Variants in ADSL observed in about 807,000 individuals in gnomAD.
The protein encoded by ADSL is adenylosuccinase.
Under a neutral mutation model 62.1 loss-of-function variants are expected in ADSL, and 44 were observed. The ratio of observed to expected loss-of-function variants is 0.71; its 90% CI spans 0.56 to 0.91. The LOEUF is 0.91. Among genes scored for constraint, ADSL ranks in the 40% least tolerant of loss-of-function variants. The pLI, the probability that ADSL is intolerant of heterozygous loss-of-function variation, is 0.00. For missense variants in ADSL, 531 were observed against 627.4 expected (o/e 0.85, Z 1.64); for synonymous variants, 198 against 220.5 (o/e 0.90, Z 0.90).
Position 40,364,240 on chromosome 22 carries a change from A to G in ADSL, c.1102-36A>G, listed in dbSNP as rs1312656799. 5 of 1,590,856 alleles carry G rather than the reference A, an allele frequency of 3.1e-6. No homozygotes were observed. The East Asian group carries it at 6.7e-5, about 21-fold the overall frequency. ...GTGTTTATGACTTTAACCTTGAGGC[A>G]CCTTTCTTGGTCATTCACCGTATCT... On this transcript the variant is annotated intron_variant, in intron 10 of 12. Coordinates refer to ENST00000623063, the MANE Select transcript of ADSL (RefSeq NM_000026.4).
rs1208829201 is a variant in ADSL, at chr22:40,350,049, T to TTGTTTATA, written c.357+15_357+22dup. 4.4e-6 allele frequency: 7 copies of TTGTTTATA among 1,608,442 alleles called. No individual in the cohort carries two copies. The African/African-American group carries it at 9.4e-5, about 21-fold the overall frequency. On this transcript the variant is annotated intron_variant, in intron 2 of 12. Transcript: ENST00000623063. ...GGAGACAATACTGTAGGCGCCTGTG[T>TTGTTTATA]TGTTTATACTTAAAACTCAGTCTCT...
At chr22:40,382,764 G>T (rs1380541357) in intron 2 of ADSL, among the ~76,000 whole-genome samples, 2 of 152,144 alleles carry the variant, frequency 1.3e-5, no homozygotes, top group South Asian at 4.1e-4. Context: ...GCCCATTTTT[G>T]GAAAATAGGA....
chr22:40,369,823 T>C (rs1433283341), downstream of ADSL, among the ~76,000 whole-genome samples: 1 of 152,206 alleles, frequency 6.6e-6, no homozygotes, highest in East Asian at 1.9e-4. Flanking sequence ...ATGAAATGTC[T>C]GCTCAGCTGA....
chr22:40,381,027 G>A (rs2047478690), intron 2 of ADSL, among the ~76,000 whole-genome samples: 1 of 152,138 alleles, frequency 6.6e-6, no homozygotes, highest in Non-Finnish European at 1.5e-5. Context: ...TATAAGCAAT[G>A]TTTTAGCATG....
At chr22:40,365,697 T>C (rs1261010228) in intron 12 of ADSL, among the ~76,000 whole-genome samples, 1 of 151,922 alleles carries the variant, frequency 6.6e-6, no homozygotes. Context: ...TGGTGAAACC[T>C]TGTCTCTACA....
At chr22:40,354,112 A>G (rs1054326593) in intron 3 of ADSL, 136 bp from the exon 4 acceptor site, 3 of 855,522 alleles carry the variant, frequency 3.5e-6, no homozygotes, top group Admixed American at 1.7e-5. Flanking sequence ...GGGTACAAAG[A>G]TGGAAGGATA....
At chr22:40,384,441 A>T (rs2048095056) in intron 2 of ADSL, among the ~76,000 whole-genome samples, 1 of 151,956 alleles carries the variant, frequency 6.6e-6, no homozygotes, top group South Asian at 2.1e-4. Flanking sequence ...ACATAGGGAG[A>T]CCCCCATCTC....
intron 2 of ADSL, among the ~76,000 whole-genome samples, chr22:40,352,369 A>C (rs2044380431): frequency 6.6e-6 from 1 of 152,086 alleles, no homozygotes; most frequent in East Asian, 1.9e-4. Context: ...TCTACTAAAA[A>C]TACAAAAAAT....
At chr22:40,361,064 T>C in intron 7 of ADSL, 1 of 654,432 alleles carries the variant, frequency 1.5e-6, no homozygotes. Context: ...AGCGTTTTCA[T>C]GCTCCTTGAA....
chr22:40,371,214 C>T (rs1004524666), downstream of ADSL, among the ~76,000 whole-genome samples: 1 of 152,218 alleles, frequency 6.6e-6, no homozygotes, highest in African/African-American at 2.4e-5. Context: ...CTGAGGCATA[C>T]GTTAGCCAGA....
In ADSL at chr22:40,358,936, C is replaced by T; in HGVS notation, c.555C>T (p.Asn185=). Residue 185 remains asparagine, a synonymous_variant, in exon 5 of 13, where the codon AAC becomes AAT. Coordinates refer to ENST00000623063, the MANE Select transcript of ADSL (RefSeq NM_000026.4). ...WIQDLCMDLQ[N]LKRVRDDLRF... is the part of the protein sequence containing the mutation. ...AGGATCTTTGCATGGATCTCCAGAA[C>T]TTGAAGCGTGTCCGAGATGACCTGC... is the stretch of plus-strand genomic sequence containing the variant. The T allele has an allele frequency of 6.2e-7, 1 of 1,614,160 alleles. No homozygotes were observed.
intron 2 of ADSL, among the ~76,000 whole-genome samples, chr22:40,380,579 C>T (rs953473480): frequency 6.6e-6 from 1 of 152,088 alleles, no homozygotes; most frequent in Non-Finnish European, 1.5e-5. Context: ...GTTGGCCAGG[C>T]TGGTCTCGAA....
intron 2 of ADSL, 51 bp downstream of exon 2, chr22:40,350,086 G>A (rs765095853): frequency 1.3e-6 from 2 of 1,533,804 alleles, no homozygotes; most frequent in Admixed American, 1.7e-5. Flanking sequence ...GAATCTATTT[G>A]TCAATTTTAT....
intron 3 of ADSL, chr22:40,353,531 G>A (rs945330071): frequency 2.4e-5 from 15 of 623,378 alleles, no homozygotes; most frequent in African/African-American, 9.2e-5. Context: ...GGATCCACCC[G>A]TCTTGGCCTT....
chr22:40,356,696 AG>A (rs2044573406), intron 4 of ADSL, among the ~76,000 whole-genome samples: 1 of 151,644 alleles, frequency 6.6e-6, no homozygotes, highest in Non-Finnish European at 1.5e-5. Flanking sequence ...AAATAAAGTT[AG>A]CCAGGTGTGG....
intron 6 of ADSL, among the ~76,000 whole-genome samples, chr22:40,359,992 C>T (rs756299160): frequency 9.2e-5 from 14 of 152,210 alleles, no homozygotes; most frequent in African/African-American, 1.4e-4. Context: ...CACCAGGTTC[C>T]ACCATGGCTC....
chr22:40,358,731 T>G, intron 4 of ADSL, 133 bp from the exon 5 acceptor site: 1 of 762,510 alleles, frequency 1.3e-6, no homozygotes, highest in East Asian at 2.5e-5. Flanking sequence ...GTTTTATCTT[T>G]ACCAGTTACT....
intron 2 of ADSL, chr22:40,352,151 T>C (rs1033038441): frequency 2.0e-5 from 3 of 152,190 alleles, no homozygotes; most frequent in African/African-American, 7.2e-5. Flanking sequence ...CATCTGGAGA[T>C]TACCTTCCTC....
rs1267171822 is a variant in ADSL, at chr22:40,366,726, T to C, written c.*204T>C. 4 of 546,728 alleles carry C rather than the reference T, an allele frequency of 7.3e-6. No homozygotes were observed. The East Asian group carries it at 1.3e-4, about 18-fold the overall frequency. The allele number at this position is 546,728 out of a possible 1,614,324, so 33.9% of individuals were successfully genotyped here. ...CGTTGAAGTTGACTCTGCTCTTGCA[T>C]AGTAAATGTAGTTCATACTTGATCT... is the stretch of plus-strand genomic sequence containing the variant. On this transcript the variant is annotated 3_prime_UTR_variant, in exon 13 of 13. Transcript: ENST00000623063.
Sources: allele counts gnomAD v4.1 joint callset (sites outside exome capture counted in the v4.1 genomes callset), GRCh38; gene constraint gnomAD v4.1.1; transcripts MANE v1.5; gene names NCBI Gene and HGNC (gene_info 2026-07-23, HGNC 2026-07-21).